Variants in ZNF385D observed in about 807,000 individuals in gnomAD.
ZNF385D encodes zinc finger protein 659.
ZNF385D carries 15 observed loss-of-function variants against 35.8 expected under a neutral mutation model. The ratio of observed to expected loss-of-function variants is 0.42; its 90% CI spans 0.28 to 0.64. The LOEUF (loss-of-function observed/expected upper bound fraction) is 0.64. Among genes scored for constraint, ZNF385D ranks in the 30% least tolerant of loss-of-function variants. ZNF385D has a pLI of 0.23. For synonymous variants in ZNF385D, 212 were observed against 186.8 expected (o/e 1.13, Z -1.10); for missense variants, 474 against 494.6 (o/e 0.96, Z 0.39).
chr3:22,176,988 A>G (rs1256952116), intron 2 of ZNF385D, among the ~76,000 whole-genome samples: 1 of 152,146 alleles, frequency 6.6e-6, no homozygotes, highest in Non-Finnish European at 1.5e-5. Context: ...TTATATTACT[A>G]TTATTACATT....
At chr3:22,301,732 C>T (rs1295810064) in intron 2 of ZNF385D, among the ~76,000 whole-genome samples, 3 of 151,942 alleles carry the variant, frequency 2.0e-5, no homozygotes, top group Admixed American at 6.6e-5. Context: ...CTGCAGGAAG[C>T]CATTATGAAT....
At chr3:22,134,234 A>G (rs1008127342) in intron 3 of ZNF385D, 9 of 152,138 alleles carry the variant, frequency 5.9e-5, no homozygotes, top group African/African-American at 2.2e-4. Context: ...AGGAAAATAA[A>G]CACTAGTCAA....
intron 3 of ZNF385D, among the ~76,000 whole-genome samples, chr3:21,952,173 T>C (rs774764929): frequency 7.2e-5 from 11 of 152,158 alleles, no homozygotes; most frequent in Non-Finnish European, 1.2e-4. Context: ...GTTTCCTCTC[T>C]CCTCTCATGG....
At chr3:21,527,383 T>C (rs1708290492) in intron 3 of ZNF385D, among the ~76,000 whole-genome samples, 1 of 152,156 alleles carries the variant, frequency 6.6e-6, no homozygotes. Flanking sequence ...AACATGAAGG[T>C]GCAGTTCTCA....
intron 2 of ZNF385D, among the ~76,000 whole-genome samples, chr3:21,593,718 T>TA (rs927361845): frequency 1.3e-5 from 2 of 151,646 alleles, no homozygotes; most frequent in African/African-American, 4.9e-5. Flanking sequence ...AGACTTTTTT[T>TA]AAAAATTACA....
chr3:22,111,567 A>C (rs1392038941), intron 3 of ZNF385D, among the ~76,000 whole-genome samples: 1 of 152,088 alleles, frequency 6.6e-6, no homozygotes, highest in Non-Finnish European at 1.5e-5. Context: ...TGCTTTTCCT[A>C]ATTTACCATC....
At chr3:21,712,008 CTAAT>C (rs2068127919) in intron 1 of ZNF385D, among the ~76,000 whole-genome samples, 1 of 151,926 alleles carries the variant, frequency 6.6e-6, no homozygotes, top group Admixed American at 6.5e-5. Context: ...ACAATACTAT[CTAAT>C]TATTTATTTG....
chr3:21,982,845 C>T (rs866019607), intron 3 of ZNF385D, among the ~76,000 whole-genome samples: 1 of 148,196 alleles, frequency 6.7e-6, no homozygotes, highest in Non-Finnish European at 1.5e-5. Context: ...TTGAGATAAT[C>T]ATGTGGGTTT....
chr3:22,360,883 T>G (rs1293909031), intron 2 of ZNF385D, among the ~76,000 whole-genome samples: 1 of 152,042 alleles, frequency 6.6e-6, no homozygotes, highest in Non-Finnish European at 1.5e-5. Flanking sequence ...TTGGCACATT[T>G]TTGTTTCTTT....
chr3:21,933,221 T>C (rs1216021140), intron 3 of ZNF385D, among the ~76,000 whole-genome samples: 2 of 152,360 alleles, frequency 1.3e-5, no homozygotes, highest in East Asian at 3.9e-4. Flanking sequence ...TATGTTGCTT[T>C]TTCTCTTTTC....
intron 3 of ZNF385D, among the ~76,000 whole-genome samples, chr3:21,850,195 T>G (rs140038881): frequency 6.6e-6 from 1 of 152,260 alleles, no homozygotes; most frequent in Admixed American, 6.5e-5. Flanking sequence ...ATCAAACATT[T>G]GCACATGATG....
intron 3 of ZNF385D, among the ~76,000 whole-genome samples, chr3:21,775,694 A>C (rs904243960): frequency 6.6e-6 from 1 of 151,878 alleles, no homozygotes; most frequent in Non-Finnish European, 1.5e-5. Context: ...ATTAAATTTT[A>C]TACTGAAATA....
intron 2 of ZNF385D, among the ~76,000 whole-genome samples, chr3:22,335,028 T>C (rs1695101827): frequency 6.6e-6 from 1 of 152,202 alleles, no homozygotes; most frequent in Non-Finnish European, 1.5e-5. Context: ...GAGCCAAGTA[T>C]AGTGCCAGGC....
At chr3:21,672,270 T>C (rs2066598884) in intron 1 of ZNF385D, among the ~76,000 whole-genome samples, 1 of 152,072 alleles carries the variant, frequency 6.6e-6, no homozygotes, top group Admixed American at 6.6e-5. Flanking sequence ...TCTTTTCTTT[T>C]TTTCTCCCCG....
intron 3 of ZNF385D, among the ~76,000 whole-genome samples, chr3:21,516,445 A>T (rs1707568718): frequency 1.3e-5 from 2 of 152,194 alleles, no homozygotes; most frequent in Middle Eastern, 6.8e-3. Flanking sequence ...TTTTTTAAAG[A>T]GAAATTTACA....
At chr3:22,150,659 T>C (rs534030074) in intron 3 of ZNF385D, among the ~76,000 whole-genome samples, 57 of 152,302 alleles carry the variant, frequency 3.7e-4, no homozygotes, top group African/African-American at 1.3e-3. Flanking sequence ...AGAATAAGGA[T>C]AGTAGTTAAG....
At chr3:21,736,644 C>G (rs2069254886) in intron 1 of ZNF385D, among the ~76,000 whole-genome samples, 1 of 152,098 alleles carries the variant, frequency 6.6e-6, no homozygotes, top group Admixed American at 6.6e-5. Flanking sequence ...TTTATGGCAC[C>G]ACTGCCTTTT....
intron 1 of ZNF385D, among the ~76,000 whole-genome samples, chr3:21,718,606 TATTA>T (rs1205832263): frequency 6.6e-6 from 1 of 152,236 alleles, no homozygotes; most frequent in Non-Finnish European, 1.5e-5. Flanking sequence ...CAAGATTAAG[TATTA>T]ATTAAATAAT....
chr3:21,701,524 C>T (rs1316567873), intron 1 of ZNF385D, among the ~76,000 whole-genome samples: 1 of 152,058 alleles, frequency 6.6e-6, no homozygotes, highest in Non-Finnish European at 1.5e-5. Context: ...CCAAACCTGG[C>T]CCCTCCAAAT....
Sources: gnomAD v4.1 joint callset for allele counts (sites outside exome capture counted in the v4.1 genomes callset) on GRCh38, gnomAD v4.1.1 for gene constraint, MANE v1.5 for transcripts, NCBI Gene and HGNC (gene_info 2026-07-23, HGNC 2026-07-21) for gene names.